The following HS6ST3 variants were observed in gnomAD, a reference collection of about 807,000 sequenced individuals.
The protein encoded by HS6ST3 is heparan sulfate 6-O-sulfotransferase 3.
Under a neutral mutation model 36.7 loss-of-function variants are expected in HS6ST3, and 12 were observed. That is an observed-to-expected ratio of 0.33 (90% CI 0.21 to 0.53). The LOEUF is 0.53. HS6ST3 is among the 20% of genes least tolerant of loss of function. The pLI is 0.95. For missense variants in HS6ST3, 584 were observed against 640.9 expected, an observed-to-expected ratio of 0.91 and a Z score of 0.96; for synonymous variants, 240 against 257.5, an observed-to-expected ratio of 0.93 and a Z score of 0.65.
chr13:96,710,101 T>C (rs372599227), intron 1 of HS6ST3, among the ~76,000 whole-genome samples: 1 of 152,182 alleles, frequency 6.6e-6, no homozygotes, highest in Admixed American at 6.5e-5. Flanking sequence ...TGCTGCACAG[T>C]GAATAATCAC....
intron 1 of HS6ST3, among the ~76,000 whole-genome samples, chr13:96,741,487 T>C (rs1876438221): frequency 6.6e-6 from 1 of 152,190 alleles, no homozygotes; most frequent in African/African-American, 2.4e-5. Context: ...TGTAGAATTC[T>C]ATATCCCTTT....
At chr13:96,676,618 G>C (rs956647883) in intron 1 of HS6ST3, among the ~76,000 whole-genome samples, 37 of 152,258 alleles carry the variant, frequency 2.4e-4, no homozygotes, top group Admixed American at 1.5e-3. Context: ...AAGAGAAACA[G>C]ATAAGATTTT....
rs186823467 is a variant in HS6ST3 at position 96,643,303 on chromosome 13, C to A, written c.708-189187C>A. Among the ~76,000 whole-genome samples, 9 of 151,944 alleles carry A rather than the reference C, an allele frequency of 5.9e-5. No homozygotes were observed. The East Asian group carries it at 1.8e-3, about 30-fold the overall frequency. ...CTCATTCTTAGTCTTCATTTTTTTA[C>A]TCATACAGAACCCCAAGTCCAGCCA... is the stretch of plus-strand genomic sequence containing the variant. On this transcript the variant is annotated intron_variant, in intron 1 of 1. Coordinates refer to ENST00000376705, the MANE Select transcript of HS6ST3 (RefSeq NM_153456.4).
intron 1 of HS6ST3, among the ~76,000 whole-genome samples, chr13:96,763,904 A>T (rs1265172188): frequency 1.3e-5 from 2 of 152,206 alleles, no homozygotes; most frequent in Admixed American, 1.3e-4. Context: ...TTTCAAGCAT[A>T]ATTACTCTTG....
intron 1 of HS6ST3, among the ~76,000 whole-genome samples, chr13:96,209,561 G>A (rs536585671): frequency 6.6e-6 from 1 of 152,222 alleles, no homozygotes; most frequent in South Asian, 2.1e-4. Context: ...TACCTTTTTG[G>A]GAGAATTTCT....
chr13:96,719,992 G>T (rs890627267), intron 1 of HS6ST3, among the ~76,000 whole-genome samples: 1 of 152,080 alleles, frequency 6.6e-6, no homozygotes, highest in Non-Finnish European at 1.5e-5. Flanking sequence ...CAGACAAGGG[G>T]CTAACAAATT....
chr13:96,658,162 T>G (rs965573005), intron 1 of HS6ST3, among the ~76,000 whole-genome samples: 7 of 152,096 alleles, frequency 4.6e-5, no homozygotes, highest in Non-Finnish European at 7.4e-5. Flanking sequence ...GTGAGATTTA[T>G]TCACATTGTT....
chr13:96,298,028 G>GA (rs538684197), intron 1 of HS6ST3, among the ~76,000 whole-genome samples: 54 of 151,922 alleles, frequency 3.6e-4, no homozygotes, highest in African/African-American at 1.2e-3. Context: ...AATTTCTTAA[G>GA]AAAAAAAACC....
chr13:96,197,113 G>C (rs1364220632), intron 1 of HS6ST3, among the ~76,000 whole-genome samples: 1 of 152,178 alleles, frequency 6.6e-6, no homozygotes, highest in Non-Finnish European at 1.5e-5. Context: ...AATTTCTTTA[G>C]CTTTTAGGGC....
At chr13:96,770,814 G>T (rs572530944) in intron 1 of HS6ST3, among the ~76,000 whole-genome samples, 7 of 152,178 alleles carry the variant, frequency 4.6e-5, no homozygotes, top group Admixed American at 3.3e-4. Flanking sequence ...CCCCATCGAG[G>T]GTAGTTTTAA....
intron 1 of HS6ST3, among the ~76,000 whole-genome samples, chr13:96,588,032 C>G (rs755960119): frequency 2.0e-5 from 3 of 151,832 alleles, no homozygotes; most frequent in Non-Finnish European, 4.4e-5. Context: ...GGATTATTTT[C>G]TTGATTTCTT....
At chr13:96,459,752 C>T (rs2055773495) in intron 1 of HS6ST3, among the ~76,000 whole-genome samples, 1 of 152,148 alleles carries the variant, frequency 6.6e-6, no homozygotes, top group Admixed American at 6.6e-5. Context: ...ATGATGTCCT[C>T]TAAGTTGTAA....
At chr13:96,346,417 A>G (rs1479413436) in intron 1 of HS6ST3, among the ~76,000 whole-genome samples, 4 of 152,020 alleles carry the variant, frequency 2.6e-5, no homozygotes, top group African/African-American at 4.8e-5. Flanking sequence ...TCCTAAAAAT[A>G]CAAAAAATTA....
intron 1 of HS6ST3, among the ~76,000 whole-genome samples, chr13:96,523,113 A>T (rs1342252762): frequency 6.6e-6 from 1 of 152,112 alleles, no homozygotes; most frequent in East Asian, 1.9e-4. Context: ...TTTCTCCTTC[A>T]CTTATGAAGC....
intron 1 of HS6ST3, among the ~76,000 whole-genome samples, chr13:96,705,806 C>T (rs891892308): frequency 9.9e-5 from 15 of 152,184 alleles, no homozygotes; most frequent in East Asian, 3.9e-4. Flanking sequence ...GCTCAGTCTC[C>T]GTCCACCCAC....
chr13:96,384,802 T>C (rs548435328), intron 1 of HS6ST3, among the ~76,000 whole-genome samples: 1 of 152,146 alleles, frequency 6.6e-6, no homozygotes, highest in South Asian at 2.1e-4. Context: ...CAAGCTCAGA[T>C]TCTAGTTAAC....
chr13:96,538,882 G>A (rs933180939), intron 1 of HS6ST3, among the ~76,000 whole-genome samples: 6 of 152,184 alleles, frequency 3.9e-5, no homozygotes, highest in Admixed American at 1.3e-4. Flanking sequence ...TTCTTGGTAA[G>A]GGTAGGTTAC....
chr13:96,189,931 T>C (rs1399355452), intron 1 of HS6ST3, among the ~76,000 whole-genome samples: 1 of 152,208 alleles, frequency 6.6e-6, no homozygotes, highest in East Asian at 1.9e-4. Flanking sequence ...AGAGTAGATA[T>C]TTGTGAGCGG....
intron 1 of HS6ST3, among the ~76,000 whole-genome samples, chr13:96,445,856 G>A (rs1172679616): frequency 6.9e-6 from 1 of 144,968 alleles, no homozygotes; most frequent in Non-Finnish European, 1.5e-5. Flanking sequence ...TGACAGCATT[G>A]AGACTCTGTC....
Sources: allele counts gnomAD v4.1 joint callset (sites outside exome capture counted in the v4.1 genomes callset), GRCh38; gene constraint gnomAD v4.1.1; transcripts MANE v1.5; gene names NCBI Gene and HGNC (gene_info 2026-07-23, HGNC 2026-07-21).